The following NAALADL2 variants were observed in gnomAD, a reference collection of about 807,000 sequenced individuals.
NAALADL2 encodes inactive N-acetylated-alpha-linked acidic dipeptidase-like protein 2.
NAALADL2 carries 76 observed loss-of-function variants against 87.2 expected under a neutral mutation model. The observed-to-expected ratio is 0.87, with a 90% CI of 0.72 to 1.05. NAALADL2 has a LOEUF of 1.05. Ranked by LOEUF, NAALADL2 falls within the 50% of genes least tolerant of loss-of-function variation. The pLI, the probability that NAALADL2 is intolerant of heterozygous loss-of-function variation, is 0.00. For synonymous variants in NAALADL2, 354 were observed against 331.0 expected (o/e 1.07, Z -0.75); for missense variants, 1,089 against 945.8 (o/e 1.15, Z -1.99).
At chr3:174,845,144 G>A (rs1724472691) in intron 3 of NAALADL2, among the ~76,000 whole-genome samples, 1 of 152,168 alleles carries the variant, frequency 6.6e-6, no homozygotes, top group Non-Finnish European at 1.5e-5. Flanking sequence ...CTAAGCACTG[G>A]GTTAATAAAC....
chr3:174,539,900 C>A (rs1392709558), intron 1 of NAALADL2, among the ~76,000 whole-genome samples: 2 of 145,702 alleles, frequency 1.4e-5, no homozygotes, highest in Non-Finnish European at 1.5e-5. Context: ...ATCTGTCAAC[C>A]TCAGAGTTAC....
chr3:175,543,388 A>C (rs1247057529), intron 9 of NAALADL2, among the ~76,000 whole-genome samples: 1 of 152,160 alleles, frequency 6.6e-6, no homozygotes, highest in East Asian at 1.9e-4. Flanking sequence ...GAGGATATTT[A>C]TAGAGTTTAG....
chr3:175,590,214 ATATATATATATATATATAT>A (rs1721205435), intron 10 of NAALADL2, among the ~76,000 whole-genome samples: 3 of 146,984 alleles, frequency 2.0e-5, no homozygotes, highest in African/African-American at 7.6e-5. Context: ...TCCGTCTAAT[ATATATATATATATATATAT>A]ATATATATAT....
chr3:175,471,153 T>C (rs1724804627), intron 8 of NAALADL2, among the ~76,000 whole-genome samples: 1 of 152,136 alleles, frequency 6.6e-6, no homozygotes, highest in Non-Finnish European at 1.5e-5. Flanking sequence ...TTTATAATCT[T>C]TGTGTACACT....
At chr3:175,550,423 A>C (rs904944968) in intron 9 of NAALADL2, among the ~76,000 whole-genome samples, 1 of 152,124 alleles carries the variant, frequency 6.6e-6, no homozygotes, top group Admixed American at 6.5e-5. Flanking sequence ...TTCCAGACAA[A>C]ATAGTAACTT....
chr3:175,395,946 C>G (rs992340136), intron 5 of NAALADL2, among the ~76,000 whole-genome samples: 1 of 152,214 alleles, frequency 6.6e-6, no homozygotes, highest in South Asian at 2.1e-4. Flanking sequence ...TTGCATATTA[C>G]CAAGCATTGG....
intron 9 of NAALADL2, among the ~76,000 whole-genome samples, chr3:175,532,880 C>T (rs368682687): frequency 2.7e-4 from 41 of 152,260 alleles, no homozygotes; most frequent in African/African-American, 9.6e-4. Context: ...ATCTGTTTCA[C>T]AAGGCATTGG....
chr3:175,212,682 C>T lies in NAALADL2; in HGVS notation c.546-21249C>T, dbSNP rs189753342. Among the ~76,000 whole-genome samples the T allele has an allele frequency of 1.4e-3, 211 of 151,824 alleles. 1 individual carries two copies. The highest frequency in any genetic ancestry group is 6.8e-3 in the Middle Eastern group (2 of 294). On this transcript the variant is annotated intron_variant, in intron 2 of 13. Coordinates refer to ENST00000454872, the MANE Select transcript of NAALADL2 (RefSeq NM_207015.3). ...GTCTCTGTTTTCCTTGTTCTCTTAACTCAGCATTGATTTGTTGGTTACCCA... is the reference window on the plus strand; with the variant it reads ...GTCTCTGTTTTCCTTGTTCTCTTAATTCAGCATTGATTTGTTGGTTACCCA...
At chr3:175,647,774 G>A (rs780317046) in intron 11 of NAALADL2, among the ~76,000 whole-genome samples, 4 of 152,174 alleles carry the variant, frequency 2.6e-5, no homozygotes, top group African/African-American at 4.8e-5. Flanking sequence ...AGCCTTTGCA[G>A]CACTTAGATT....
At chr3:174,852,450 G>T (rs1315543506) in intron 3 of NAALADL2, among the ~76,000 whole-genome samples, 1 of 151,984 alleles carries the variant, frequency 6.6e-6, no homozygotes, top group African/African-American at 2.4e-5. Flanking sequence ...AACCAAAAAA[G>T]TAATCCCATT....
At chr3:175,761,936 C>T (rs181366779) in intron 13 of NAALADL2, among the ~76,000 whole-genome samples, 77 of 152,182 alleles carry the variant, frequency 5.1e-4, no homozygotes, top group African/African-American at 1.8e-3. Context: ...AATATTTTCT[C>T]TCAGACTATG....
intron 2 of NAALADL2, among the ~76,000 whole-genome samples, chr3:175,131,855 C>T (rs1727983487): frequency 1.5e-5 from 1 of 68,770 alleles, no homozygotes; most frequent in Non-Finnish European, 2.7e-5. Flanking sequence ...GACGGGGCGG[C>T]TGGCCGGGCG....
At chr3:175,430,074 T>G (rs934932560) in intron 5 of NAALADL2, among the ~76,000 whole-genome samples, 1 of 151,888 alleles carries the variant, frequency 6.6e-6, no homozygotes, top group Non-Finnish European at 1.5e-5. Flanking sequence ...TTTATGTATT[T>G]TACTTAGATA....
intron 2 of NAALADL2, among the ~76,000 whole-genome samples, chr3:174,659,598 A>G (rs1055300373): frequency 1.3e-5 from 2 of 152,136 alleles, no homozygotes; most frequent in African/African-American, 4.8e-5. Context: ...TGTAAGGTCA[A>G]TCTTAATGAA....
chr3:175,299,137 T>C (rs913793559), intron 4 of NAALADL2, among the ~76,000 whole-genome samples: 11 of 152,206 alleles, frequency 7.2e-5, no homozygotes, highest in Admixed American at 1.3e-4. Flanking sequence ...TATATCTGTT[T>C]TGGTACCAGT....
chr3:175,132,154 T>G (rs1728099815), intron 2 of NAALADL2, among the ~76,000 whole-genome samples: 1 of 119,864 alleles, frequency 8.3e-6, no homozygotes, highest in African/African-American at 3.5e-5. Flanking sequence ...CCCACCTCCC[T>G]CCCGGACGGG....
intron 1 of NAALADL2, among the ~76,000 whole-genome samples, chr3:174,880,766 C>G (rs1729093710): frequency 6.6e-6 from 1 of 152,106 alleles, no homozygotes; most frequent in Non-Finnish European, 1.5e-5. Context: ...TAACACATTT[C>G]TACAAATTGA....
At chr3:175,432,187 C>T (rs1581858144) in intron 5 of NAALADL2, among the ~76,000 whole-genome samples, 1 of 151,882 alleles carries the variant, frequency 6.6e-6, no homozygotes, top group South Asian at 2.1e-4. Flanking sequence ...AAGAAGATAA[C>T]AATAACTAGT....
At chr3:175,056,672 GC>G (rs1339863242) in intron 1 of NAALADL2, among the ~76,000 whole-genome samples, 1 of 152,160 alleles carries the variant, frequency 6.6e-6, no homozygotes, top group South Asian at 2.1e-4. Context: ...TTAACAGCAA[GC>G]CAGTGATAAG....
Sources: allele counts gnomAD v4.1 joint callset (sites outside exome capture counted in the v4.1 genomes callset), GRCh38; gene constraint gnomAD v4.1.1; transcripts MANE v1.5; gene names NCBI Gene and HGNC (gene_info 2026-07-23, HGNC 2026-07-21).